The following RCC1L variants were observed in gnomAD, a reference collection of about 807,000 sequenced individuals.
RCC1L encodes the protein RCC1-like G exchanging factor-like protein.
Under a neutral mutation model 58.6 loss-of-function variants are expected in RCC1L, and 46 were observed. That is an observed-to-expected ratio of 0.79 (90% CI 0.62 to 1.00). RCC1L has a LOEUF of 1.00. Ranked by LOEUF, RCC1L falls within the 50% of genes least tolerant of loss-of-function variation. RCC1L has a pLI of 0.00. For missense variants in RCC1L, 636 were observed against 623.6 expected (o/e 1.02, Z -0.21); for synonymous variants, 281 against 262.9 (o/e 1.07, Z -0.67).
At chr7:75,068,844 A>G (rs1392980599) in intron 2 of RCC1L, among the ~76,000 whole-genome samples, 1 of 152,048 alleles carries the variant, frequency 6.6e-6, no homozygotes, top group Admixed American at 6.6e-5. Flanking sequence ...GTAATTTCCT[A>G]TGTTATTTTA....
intron 10 of RCC1L, among the ~76,000 whole-genome samples, chr7:75,047,182 T>C (rs1420387228): frequency 6.6e-6 from 1 of 152,114 alleles, no homozygotes; most frequent in Admixed American, 6.5e-5. Context: ...GGTCCCAAAC[T>C]CCTGACCTCG....
At chr7:75,064,206 T>G (rs1480931122) in intron 4 of RCC1L, among the ~76,000 whole-genome samples, 1 of 151,714 alleles carries the variant, frequency 6.6e-6, no homozygotes, top group East Asian at 2.0e-4. Flanking sequence ...GGCACGTGCC[T>G]ATAGTCCCAG....
At chr7:75,065,838 T>C (rs1297144006) in intron 3 of RCC1L, among the ~76,000 whole-genome samples, 2 of 151,608 alleles carry the variant, frequency 1.3e-5, no homozygotes, top group Non-Finnish European at 2.9e-5. Context: ...GCCAATGTGG[T>C]GAAACCCCGT....
exon 11 of RCC1L, chr7:75,028,006 G>C (rs1176017612): frequency 2.6e-6 from 4 of 1,534,136 alleles, no homozygotes; most frequent in Admixed American, 3.9e-5. Context: ...CTCCTTACCT[G>C]TTTGCCGTCC....
chr7:75,066,461 TAATA>T (rs1455600542), intron 3 of RCC1L, among the ~76,000 whole-genome samples, 199 bp downstream of exon 3: 1 of 151,890 alleles, frequency 6.6e-6, no homozygotes, highest in South Asian at 2.1e-4. Flanking sequence ...CTCAAAAAAA[TAATA>T]AATAAATAAA....
Position 75,056,019 on chromosome 7 carries a change from TAGGTTTGGACCTTTCCCA to T in RCC1L, c.1095_1112del (p.Gly366_Leu371del), listed in dbSNP as rs1554443894. On this transcript the variant is annotated inframe_deletion, in exon 9 of 11. Coordinates refer to ENST00000610322, the MANE Select transcript of RCC1L (RefSeq NM_030798.5). ...TCATTTCAGGGACGGCACTTTCCAC[TAGGTTTGGACCTTTCCCA>T]AGAATTCCATAGCCCCAGACAAAAA... The T allele has an allele frequency of 1.2e-6, 2 of 1,613,974 alleles. No homozygotes were observed. The highest frequency in any genetic ancestry group is 2.2e-5 in the South Asian group (2 of 91,080).
At chr7:75,053,055 CA>C (rs1805964015) in intron 9 of RCC1L, among the ~76,000 whole-genome samples, 1 of 126,724 alleles carries the variant, frequency 7.9e-6, no homozygotes, top group Non-Finnish European at 1.7e-5. Flanking sequence ...GAAGATGGGG[CA>C]GGGGGCAGTG....
chr7:75,042,919 A>G lies in RCC1L; in HGVS notation c.*113T>C. The G allele has an allele frequency of 6.4e-7, 1 of 1,569,962 alleles. No homozygotes were observed. ...CAGGACAGAGCGTCACACTGCACGC[A>G]GGGTCCTCCGCCACCACCATCCAAG... is the stretch of plus-strand genomic sequence containing the variant. On this transcript the variant is annotated 3_prime_UTR_variant, in exon 11 of 11. Transcript: ENST00000610322.
intron 9 of RCC1L, among the ~76,000 whole-genome samples, chr7:75,054,639 G>A (rs922125105): frequency 2.0e-4 from 30 of 152,120 alleles, no homozygotes; most frequent in Non-Finnish European, 3.2e-4. Context: ...TGAATTAGCC[G>A]GGCGTGGTGG....
At chr7:75,056,411 G>A in intron 8 of RCC1L, 1 of 1,050,906 alleles carries the variant, frequency 9.5e-7, no homozygotes, top group Non-Finnish European at 1.3e-6. Context: ...AGAATTGGAG[G>A]ATGTTTTCTC....
chr7:75,047,712 A>G (rs1282066442), intron 10 of RCC1L, among the ~76,000 whole-genome samples: 5 of 151,412 alleles, frequency 3.3e-5, no homozygotes, highest in African/African-American at 1.2e-4. Flanking sequence ...CAGTGGCGCA[A>G]TCTCGGCTCA....
intron 10 of RCC1L, among the ~76,000 whole-genome samples, chr7:75,043,728 T>C (rs959060765): frequency 2.8e-4 from 42 of 152,140 alleles, no homozygotes; most frequent in East Asian, 1.4e-3. Context: ...GGTGGGAGAA[T>C]TGCTTGAACC....
intron 9 of RCC1L, 131 bp from the exon 10 acceptor site, chr7:75,052,927 C>T (rs1419299582): frequency 3.2e-5 from 28 of 872,632 alleles, no homozygotes; most frequent in Admixed American, 1.0e-4. Flanking sequence ...TTTTACCAGG[C>T]GTTCATGCTT....
intron 10 of RCC1L, among the ~76,000 whole-genome samples, chr7:75,036,116 CTTTT>C (rs33924314): frequency 8.0e-6 from 1 of 125,090 alleles, no homozygotes. Flanking sequence ...CAAAGTCACT[CTTTT>C]TTTTTTTTTT....
intron 10 of RCC1L, among the ~76,000 whole-genome samples, chr7:75,046,380 T>C (rs1805721494): frequency 6.6e-6 from 1 of 152,202 alleles, no homozygotes; most frequent in Non-Finnish European, 1.5e-5. Context: ...TTTATTTACC[T>C]TTCCCGGGAC....
chr7:75,064,535 T>C (rs1554444822), intron 4 of RCC1L, 47 bp downstream of exon 4: 4 of 1,607,772 alleles, frequency 2.5e-6, no homozygotes, highest in East Asian at 2.2e-5. Flanking sequence ...AGAAATGTTT[T>C]GACACTTAAC....
chr7:75,040,604 G>T (rs1352094745), downstream of RCC1L, among the ~76,000 whole-genome samples: 1 of 152,046 alleles, frequency 6.6e-6, no homozygotes, highest in African/African-American at 2.4e-5. Flanking sequence ...TGTGACCCGG[G>T]TCTGACCTCC....
At chr7:75,058,840 T>A in intron 6 of RCC1L, 71 bp from the exon 7 acceptor site, 1 of 1,591,560 alleles carries the variant, frequency 6.3e-7, no homozygotes, top group Non-Finnish European at 8.6e-7. Flanking sequence ...ACTTACTATA[T>A]GCCAAGTGCA....
In RCC1L at chr7:75,058,720, G is replaced by T. The variant is rs1554444235; in HGVS notation, c.837C>A (p.Asp279Glu). 6.2e-7 allele frequency: 1 copy of T among 1,613,948 alleles called. No homozygotes were observed. Among genetic ancestry groups the T allele is most frequent in the Admixed American group, 1.7e-5 (1 of 60,008 alleles). ...ITSSPTKLGG[D>E]LAGVNVIQVA... Reference sequence around the variant, plus strand: ...CTTGGATAACGTTCACTCCCGCCAGGTCTCCACCCAGCTTGGTGGGCGAGC... The same window carrying T: ...CTTGGATAACGTTCACTCCCGCCAGTTCTCCACCCAGCTTGGTGGGCGAGC... Residue 279 changes from aspartate to glutamate, a missense_variant, in exon 7 of 11, where the codon GAC becomes GAA. Physicochemically the swap from Asp to Glu is conservative, Grantham distance 45. Coordinates refer to ENST00000610322, the MANE Select transcript of RCC1L (RefSeq NM_030798.5).
Sources: gnomAD v4.1 joint callset for allele counts (sites outside exome capture counted in the v4.1 genomes callset) on GRCh38, gnomAD v4.1.1 for gene constraint, MANE v1.5 for transcripts, NCBI Gene and HGNC (gene_info 2026-07-23, HGNC 2026-07-21) for gene names.